The following GADL1 variants were observed in gnomAD, a reference collection of about 807,000 sequenced individuals.
The protein encoded by GADL1 is acidic amino acid decarboxylase GADL1.
In GADL1, 71 loss-of-function variants were observed where a neutral mutation model predicts 69.5. That is an observed-to-expected ratio of 1.02 (90% confidence interval 0.84 to 1.25). GADL1 has a LOEUF of 1.25. GADL1 is among the 50% of genes most tolerant of loss of function. The pLI is 0.00. For missense variants in GADL1, 737 were observed against 631.8 expected, an observed-to-expected ratio of 1.17 and a Z score of -1.79; for synonymous variants, 254 against 214.4, an observed-to-expected ratio of 1.18 and a Z score of -1.62.
At chr3:30,841,971 A>T (rs558820160) in intron 8 of GADL1, among the ~76,000 whole-genome samples, 22 of 152,324 alleles carry the variant, frequency 1.4e-4, no homozygotes, top group African/African-American at 5.3e-4. Flanking sequence ...GGAGGTGAGC[A>T]CTTAGGGTCT....
chr3:30,834,330 G>GT, intron 9 of GADL1, 49 bp from the exon 10 acceptor site: 1 of 1,483,062 alleles, frequency 6.7e-7, no homozygotes, highest in Non-Finnish European at 9.4e-7. Flanking sequence ...AATGTTATTT[G>GT]TTTACCAGTG....
At position 30,861,669 on chromosome 3, in the gene GADL1, C is replaced by T; in HGVS notation, c.134G>A (p.Gly45Glu). 5 of 1,550,410 alleles carry T rather than the reference C, an allele frequency of 3.2e-6. No homozygotes were observed. The highest frequency in any genetic ancestry group is 4.4e-6 in the Non-Finnish European group (5 of 1,145,986). ...LNGPTTDAKA[G>E]EKFVEEACRL... The stretch of plus-strand genomic sequence containing the variant: ...ACAGGCCTCTTCAACAAATTTTTCT[C>T]CAGCTTTTGCATCTGTTGTAGGACC... Residue 45 changes from glycine (G) to glutamate (E), a missense_variant, in exon 2 of 15, where the codon GGA (glycine) becomes GAA (glutamate). Physicochemically the swap from Gly to Glu is moderately conservative, Grantham distance 98. Transcript: ENST00000282538.
intron 13 of GADL1, among the ~76,000 whole-genome samples, chr3:30,784,455 G>A (rs368582477): frequency 1.1e-5 from 1 of 92,618 alleles, no homozygotes; most frequent in East Asian, 2.5e-4. Context: ...CCAGAAAGTT[G>A]TTTAATTTTT....
chr3:30,756,504 GAA>G (rs1695974195), intron 14 of GADL1, among the ~76,000 whole-genome samples: 2 of 152,158 alleles, frequency 1.3e-5, no homozygotes, highest in African/African-American at 2.4e-5. Context: ...ATCAACAGGT[GAA>G]GTCTATTCCT....
intron 14 of GADL1, among the ~76,000 whole-genome samples, chr3:30,776,581 A>G (rs1488457119): frequency 6.6e-6 from 1 of 152,240 alleles, no homozygotes; most frequent in African/African-American, 2.4e-5. Context: ...GGGTTTGATA[A>G]GAGGTGTATT....
chr3:30,767,238 C>A (rs1041353103), intron 14 of GADL1, among the ~76,000 whole-genome samples: 1 of 152,064 alleles, frequency 6.6e-6, no homozygotes, highest in Non-Finnish European at 1.5e-5. Context: ...GTGATTTAAT[C>A]TTCAATAAGA....
intron 11 of GADL1, among the ~76,000 whole-genome samples, chr3:30,815,183 C>T (rs1161544523): frequency 6.6e-6 from 1 of 151,898 alleles, no homozygotes; most frequent in Non-Finnish European, 1.5e-5. Context: ...TTTCATTGTT[C>T]CCCCGATGCC....
chr3:30,772,377 TA>T lies in GADL1; in HGVS notation c.1392+5801del, dbSNP rs1696436102. On this transcript the variant is annotated intron_variant, in intron 14 of 14. Coordinates refer to ENST00000282538, the MANE Select transcript of GADL1 (RefSeq NM_207359.3). ...ACTTATTTATGAAATATTGACAAAA[TA>T]AGAAATATTCTACATCAGAATACTG... Among the ~76,000 whole-genome samples the T allele has an allele frequency of 3.3e-5, 5 of 152,244 alleles. No individual in the cohort carries two copies. In the South Asian group the frequency reaches 1.0e-3, roughly 32 times the overall value.
chr3:30,822,154 C>T (rs750840350), intron 11 of GADL1, among the ~76,000 whole-genome samples: 9 of 151,958 alleles, frequency 5.9e-5, no homozygotes, highest in Non-Finnish European at 1.3e-4. Context: ...TGACAAAATT[C>T]CACAACAAGA....
At chr3:30,755,672 A>G (rs553740042) in intron 14 of GADL1, among the ~76,000 whole-genome samples, 2 of 152,296 alleles carry the variant, frequency 1.3e-5, no homozygotes, top group East Asian at 1.9e-4. Flanking sequence ...TAGACTATAA[A>G]CTCATTCAGG....
At chr3:30,870,230 A>G (rs1698461447) in intron 1 of GADL1, among the ~76,000 whole-genome samples, 1 of 151,854 alleles carries the variant, frequency 6.6e-6, no homozygotes, top group Admixed American at 6.6e-5. Flanking sequence ...ACTTCATAGA[A>G]TAAGGACAAG....
At chr3:30,747,570 C>T (rs1234238829) in intron 14 of GADL1, among the ~76,000 whole-genome samples, 1 of 152,184 alleles carries the variant, frequency 6.6e-6, no homozygotes, top group East Asian at 1.9e-4. Flanking sequence ...TTGGAAAAGA[C>T]AGTCTCCAAT....
chr3:30,887,645 G>C (rs1698727065), intron 1 of GADL1, among the ~76,000 whole-genome samples: 1 of 152,124 alleles, frequency 6.6e-6, no homozygotes, highest in African/African-American at 2.4e-5. Context: ...CAAGAGAAAA[G>C]AGACTAAGAG....
chr3:30,741,112 G>GTATATATATATA (rs67611024), intron 14 of GADL1, among the ~76,000 whole-genome samples: 3 of 113,930 alleles, frequency 2.6e-5, no homozygotes, highest in South Asian at 2.7e-4. Flanking sequence ...TGTATTCCTA[G>GTATATATATATA]TATATATATA....
intron 11 of GADL1, among the ~76,000 whole-genome samples, chr3:30,811,493 A>G (rs1388869585): frequency 6.6e-6 from 1 of 152,166 alleles, no homozygotes; most frequent in Admixed American, 6.5e-5. Flanking sequence ...CAATCCACAC[A>G]CCTTCTCTAT....
At chr3:30,862,502 TA>T (rs1164193189) in intron 1 of GADL1, among the ~76,000 whole-genome samples, 2 of 152,056 alleles carry the variant, frequency 1.3e-5, no homozygotes, top group Non-Finnish European at 2.9e-5. Flanking sequence ...CATTTCCTTG[TA>T]CAAAGTCCTT....
intron 2 of GADL1, among the ~76,000 whole-genome samples, chr3:30,859,416 C>T (rs1698280889): frequency 6.6e-6 from 1 of 151,802 alleles, no homozygotes. Flanking sequence ...CAGCAAGACT[C>T]AAAGCCTACT....
chr3:30,768,812 G>A (rs1368088240), intron 14 of GADL1, among the ~76,000 whole-genome samples: 5 of 152,162 alleles, frequency 3.3e-5, no homozygotes, highest in Non-Finnish European at 7.4e-5. Flanking sequence ...TGACACCTGT[G>A]ATGCTGTAAC....
chr3:30,836,538 T>A (rs1697877547), intron 9 of GADL1, among the ~76,000 whole-genome samples: 1 of 152,116 alleles, frequency 6.6e-6, no homozygotes, highest in Non-Finnish European at 1.5e-5. Context: ...AGACTGTCAT[T>A]TATTAAGCTA....
Sources: allele counts gnomAD v4.1 joint callset (sites outside exome capture counted in the v4.1 genomes callset), GRCh38; gene constraint gnomAD v4.1.1; transcripts MANE v1.5; gene names NCBI Gene and HGNC (gene_info 2026-07-23, HGNC 2026-07-21).